NEDD9: variants seen among roughly 807,000 people sequenced by gnomAD.
NEDD9 encodes the protein enhancer of filamentation 1.
A neutral mutation model predicts 76.6 loss-of-function variants in NEDD9; 26 were observed. The observed-to-expected ratio is 0.34, with a 90% confidence interval of 0.25 to 0.47. The LOEUF (loss-of-function observed/expected upper bound fraction) is 0.47. Ranked by LOEUF, NEDD9 falls within the 20% of genes least tolerant of loss-of-function variation. The pLI is 1.00. For synonymous variants in NEDD9, 392 were observed against 414.2 expected (o/e 0.95, Z 0.65); for missense variants, 937 against 1,058.5 (o/e 0.89, Z 1.59).
At chr6:11,200,902 C>G (rs3798733) in intron 2 of NEDD9, 347,062 of 1,608,930 alleles carry the variant, frequency 0.22, 41,208 homozygotes, top group African/African-American at 0.46. Context: ...AGATATTTAT[C>G]CAAGAGAAAG....
intron 3 of NEDD9, among the ~76,000 whole-genome samples, chr6:11,278,221 C>T (rs539656737): frequency 7.7e-4 from 118 of 152,304 alleles, no homozygotes; most frequent in Non-Finnish European, 1.3e-3. Context: ...TTTCCCAGTT[C>T]GCACCTCTGC....
intron 1 of NEDD9, among the ~76,000 whole-genome samples, chr6:11,225,887 G>C (rs1296153475): frequency 1.3e-5 from 2 of 150,742 alleles, no homozygotes; most frequent in African/African-American, 2.4e-5. Flanking sequence ...CATTCCACTG[G>C]CAACTTTAAT....
intron 3 of NEDD9, among the ~76,000 whole-genome samples, chr6:11,278,819 G>T (rs987720051): frequency 1.3e-5 from 2 of 151,994 alleles, no homozygotes; most frequent in Non-Finnish European, 2.9e-5. Flanking sequence ...CACTGTCCTA[G>T]CCCACAGCGG....
intron 3 of NEDD9, among the ~76,000 whole-genome samples, chr6:11,289,231 A>C (rs552032060): frequency 6.6e-6 from 1 of 152,396 alleles, no homozygotes; most frequent in South Asian, 2.1e-4. Context: ...TGAACAATGA[A>C]GGCACATGTG....
At chr6:11,248,913 C>T (rs1759860923) in intron 3 of NEDD9, 1 of 347,372 alleles carries the variant, frequency 2.9e-6, no homozygotes, top group African/African-American at 2.1e-5. Flanking sequence ...GCCCTCTCCT[C>T]CATCTGATCA....
chr6:11,209,339 A>G (rs1346136064), intron 2 of NEDD9, among the ~76,000 whole-genome samples: 3 of 152,230 alleles, frequency 2.0e-5, no homozygotes, highest in Admixed American at 6.5e-5. Flanking sequence ...AAAAAGACCA[A>G]TGAAATTAAG....
Position 11,213,147 on chromosome 6 carries a change from C to A in NEDD9, c.459+134G>T, listed in dbSNP as rs1185464885. The stretch of plus-strand genomic sequence containing the variant: ...ATGGCAAAATCATGCAAACATGATG[C>A]CTGAGCTAAGGTATTGGTTATATCT... On this transcript the variant is annotated intron_variant, in intron 2 of 6. Transcript: ENST00000379446. The surrounding 1 kb of genome is among the most constrained non-coding windows in gnomAD (Gnocchi z 5.4). 4.9e-6 allele frequency: 4 copies of A among 815,370 alleles called. No individual in the cohort carries two copies. The highest frequency in any genetic ancestry group is 7.6e-6 in the Non-Finnish European group (4 of 524,998). The allele number at this position is 815,370 out of a possible 1,614,324, so 50.5% of individuals were successfully genotyped here.
At chr6:11,368,621 C>A (rs530777206) in intron 1 of NEDD9, among the ~76,000 whole-genome samples, 1 of 152,338 alleles carries the variant, frequency 6.6e-6, no homozygotes, top group South Asian at 2.1e-4. Flanking sequence ...AAAAAACCCT[C>A]CTTCTATTTC....
chr6:11,189,913 G>A (rs763679711), intron 5 of NEDD9, 51 bp downstream of exon 5: 1 of 1,494,172 alleles, frequency 6.7e-7, no homozygotes, highest in Non-Finnish European at 8.9e-7. Context: ...TCTTTCTCAG[G>A]CTCCCTGCAT....
At chr6:11,382,028 G>A (rs1169769441) in intron 1 of NEDD9, 1 of 152,210 alleles carries the variant, frequency 6.6e-6, no homozygotes, top group East Asian at 1.9e-4. Context: ...CCCAGTTGAG[G>A]AGTGTTCACA....
intron 3 of NEDD9, among the ~76,000 whole-genome samples, chr6:11,273,964 G>A (rs572060172): frequency 1.1e-4 from 17 of 152,168 alleles, no homozygotes; most frequent in Non-Finnish European, 2.2e-4. Context: ...ACATCCAAAT[G>A]TGCTTTTCCT....
At chr6:11,280,073 A>G (rs969894436) in intron 3 of NEDD9, among the ~76,000 whole-genome samples, 3 of 152,172 alleles carry the variant, frequency 2.0e-5, no homozygotes, top group African/African-American at 7.2e-5. Flanking sequence ...CTTGTGCATT[A>G]TAGGATGTTT....
chr6:11,296,721 C>T (rs1232685554), intron 3 of NEDD9, among the ~76,000 whole-genome samples: 1 of 139,910 alleles, frequency 7.1e-6, no homozygotes, highest in Non-Finnish European at 1.5e-5. Context: ...TCCTTCCTTC[C>T]TTTCTTTTCT....
At chr6:11,192,519 T>C (rs1488262346) in intron 3 of NEDD9, 73 bp from the exon 4 acceptor site, 1 of 1,031,436 alleles carries the variant, frequency 9.7e-7, no homozygotes, top group African/African-American at 1.6e-5. Context: ...TCCTAAGCAC[T>C]TAATTATGGA....
intron 3 of NEDD9, among the ~76,000 whole-genome samples, chr6:11,299,479 C>G (rs1323810224): frequency 6.6e-6 from 1 of 152,220 alleles, no homozygotes; most frequent in Admixed American, 6.5e-5. Flanking sequence ...ACGTCCCTGT[C>G]TGACAACTCT....
chr6:11,229,311 A>G (rs1407967274), intron 1 of NEDD9, among the ~76,000 whole-genome samples: 2 of 152,382 alleles, frequency 1.3e-5, no homozygotes, highest in East Asian at 1.9e-4. Flanking sequence ...GAAATTTGGC[A>G]AAGCCACAAA....
Position 11,360,948 on chromosome 6 carries a change from G to T in NEDD9, c.-214+21191C>A, listed in dbSNP as rs534476250. Among the ~76,000 whole-genome samples, 13 of 152,290 alleles carry T rather than the reference G, an allele frequency of 8.5e-5. No individual in the cohort carries two copies. The South Asian group carries it at 2.7e-3, about 32-fold the overall frequency. On this transcript the variant is annotated intron_variant, in intron 1 of 3. Transcript: ENST00000397378. ...GCAGACTGTCCACCCAGATTCTAGA[G>T]GTGAGCCAAAGTAAAACTAATGTAT...
At chr6:11,286,673 T>A (rs1216383811) in intron 3 of NEDD9, among the ~76,000 whole-genome samples, 1 of 152,120 alleles carries the variant, frequency 6.6e-6, no homozygotes, top group East Asian at 1.9e-4. Flanking sequence ...TATTACAACA[T>A]AGATACAAAT....
chr6:11,193,699 G>A lies in NEDD9; in HGVS notation c.460-7C>T. On this transcript the variant is annotated splice_region_variant and splice_polypyrimidine_tract_variant and intron_variant, in intron 2 of 6. Coordinates refer to ENST00000379446, the MANE Select transcript of NEDD9 (RefSeq NM_006403.4). ...TCCTCACGGGGGTTATCACCTGTGGGAGAGAAGGCACAGAGGTGTAAATTT... is the reference window on the plus strand; with the variant it reads ...TCCTCACGGGGGTTATCACCTGTGGAAGAGAAGGCACAGAGGTGTAAATTT... The A allele has an allele frequency of 3.7e-6, 6 of 1,607,108 alleles. 1 individual carries two copies. In the South Asian group the frequency reaches 6.6e-5, roughly 18 times the overall value.
Sources: gnomAD v4.1 joint callset for allele counts (sites outside exome capture counted in the v4.1 genomes callset) on GRCh38, gnomAD v4.1.1 for gene constraint, Gnocchi (gnomAD v3.1) non-coding constraint, MANE v1.5 for transcripts, NCBI Gene and HGNC (gene_info 2026-07-23, HGNC 2026-07-21) for gene names.